Variants in ERI1 observed in about 807,000 individuals in gnomAD.
ERI1 encodes the protein 3'-5' exoribonuclease 1.
A neutral mutation model predicts 39.7 loss-of-function variants in ERI1; 39 were observed. The observed-to-expected ratio is 0.98, with a 90% CI of 0.76 to 1.28. The LOEUF is 1.28. Among genes scored for constraint, ERI1 ranks in the 50% most tolerant of loss-of-function variants. The pLI, the probability that ERI1 is intolerant of heterozygous loss-of-function variation, is 0.00. For synonymous variants in ERI1, 204 were observed against 149.6 expected (o/e 1.36, Z -2.65); for missense variants, 581 against 416.9 (o/e 1.39, Z -3.43).
At chr8:9,059,285 T>C (rs1798614328) in intron 3 of ERI1, among the ~76,000 whole-genome samples, 1 of 152,212 alleles carries the variant, frequency 6.6e-6, no homozygotes, top group African/African-American at 2.4e-5. Flanking sequence ...GGGGATATGA[T>C]GGCTTAGCTT....
intron 3 of ERI1, among the ~76,000 whole-genome samples, chr8:9,093,196 GAATT>G (rs1177585339): frequency 2.6e-5 from 4 of 152,288 alleles, no homozygotes; most frequent in Admixed American, 2.0e-4. Context: ...GGAAGAAGAA[GAATT>G]AATTGTCTTG....
intron 3 of ERI1, among the ~76,000 whole-genome samples, chr8:9,071,173 T>C (rs1261068971): frequency 6.6e-6 from 1 of 152,248 alleles, no homozygotes; most frequent in African/African-American, 2.4e-5. Context: ...GGGGCATTAT[T>C]CTAAGCAGAT....
At chr8:9,009,245 C>T (rs1403964349) in intron 2 of ERI1, 5 of 345,010 alleles carry the variant, frequency 1.4e-5, no homozygotes, top group Non-Finnish European at 2.9e-5. Flanking sequence ...TTGGCAATCT[C>T]AGTCTTTTGG....
chr8:9,042,695 A>G (rs1005071555), intron 3 of ERI1, among the ~76,000 whole-genome samples: 1 of 152,230 alleles, frequency 6.6e-6, no homozygotes, highest in Non-Finnish European at 1.5e-5. Flanking sequence ...GAGGTAACAC[A>G]GGTTGAGCAT....
chr8:9,093,520 A>G lies in ERI1; in HGVS notation n.300-22828A>G, dbSNP rs111774962. 4.4e-4 allele frequency among the ~76,000 whole-genome samples: 66 copies of G among 149,302 alleles called. 1 individual carries two copies. In the Middle Eastern group the frequency reaches 0.014, roughly 31 times the overall value. Reference sequence around the variant, plus strand: ...CCTTGTCTCTAAAAAAAAAAAAAAAAAAGAAGAAGAAGAAGAAGAAAGTAA... The same window carrying G: ...CCTTGTCTCTAAAAAAAAAAAAAAAGAAGAAGAAGAAGAAGAAGAAAGTAA... On this transcript the variant is annotated intron_variant and non_coding_transcript_variant, in intron 3 of 3. Coordinates refer to the ERI1 transcript ENST00000518663.
intron 3 of ERI1, among the ~76,000 whole-genome samples, chr8:9,038,572 C>T (rs1434868303): frequency 6.6e-6 from 1 of 151,960 alleles, no homozygotes. Flanking sequence ...GCTTGGGCAA[C>T]ATGGTGAAAC....
intron 6 of ERI1, among the ~76,000 whole-genome samples, chr8:9,024,727 T>G (rs1485675265): frequency 6.6e-6 from 1 of 152,174 alleles, no homozygotes; most frequent in East Asian, 1.9e-4. Context: ...GCCCAGCCTC[T>G]TTATGTTTTT....
chr8:9,019,763 G>C (rs368661200), intron 5 of ERI1, among the ~76,000 whole-genome samples: 2 of 152,160 alleles, frequency 1.3e-5, no homozygotes, highest in South Asian at 2.1e-4. Context: ...TATAGCAGCT[G>C]AGTTGAGGGC....
At chr8:9,028,042 C>G (rs1055414881) in intron 6 of ERI1, among the ~76,000 whole-genome samples, 2 of 152,184 alleles carry the variant, frequency 1.3e-5, no homozygotes, top group Non-Finnish European at 2.9e-5. Context: ...TTTCTTTCCT[C>G]ATGAGGTCTT....
chr8:9,095,307 T>C (rs1799842173), intron 3 of ERI1, among the ~76,000 whole-genome samples: 1 of 152,192 alleles, frequency 6.6e-6, no homozygotes, highest in Non-Finnish European at 1.5e-5. Context: ...ATCACCCAAA[T>C]AGTGAACATG....
chr8:9,070,295 TAAAAA>T (rs1314599724), intron 3 of ERI1, among the ~76,000 whole-genome samples: 1 of 148,248 alleles, frequency 6.7e-6, no homozygotes, highest in Non-Finnish European at 1.5e-5. Flanking sequence ...ATAACAAAAA[TAAAAA>T]AGAAATAACA....
intron 4 of ERI1, among the ~76,000 whole-genome samples, chr8:9,018,037 G>C (rs181300658): frequency 1.9e-4 from 29 of 152,286 alleles, no homozygotes; most frequent in Middle Eastern, 3.4e-3. Context: ...TATAAAAAGA[G>C]AACCACTGGG....
chr8:9,066,845 C>T (rs150287498), intron 3 of ERI1, among the ~76,000 whole-genome samples: 208 of 152,016 alleles, frequency 1.4e-3, no homozygotes, highest in African/African-American at 4.1e-3. Flanking sequence ...AGTTGGTGAT[C>T]GCCTTGCCTC....
chr8:9,055,397 G>GT (rs1798474851), intron 3 of ERI1, among the ~76,000 whole-genome samples: 1 of 152,200 alleles, frequency 6.6e-6, no homozygotes, highest in Admixed American at 6.5e-5. Flanking sequence ...AGAACTGATG[G>GT]TAATAAACGG....
At chr8:9,041,112 A>C (rs923009177) in intron 3 of ERI1, among the ~76,000 whole-genome samples, 2 of 152,216 alleles carry the variant, frequency 1.3e-5, no homozygotes, top group Admixed American at 1.3e-4. Context: ...ACGCATGAAG[A>C]GTACAGTGGG....
At chr8:9,015,568 A>C (rs1049363622) in intron 3 of ERI1, among the ~76,000 whole-genome samples, 3 of 151,896 alleles carry the variant, frequency 2.0e-5, no homozygotes, top group Non-Finnish European at 4.4e-5. Context: ...TAAAAATACA[A>C]AAGATCAGCC....
At chr8:9,029,542 G>C (rs1036879477) in intron 6 of ERI1, among the ~76,000 whole-genome samples, 31 of 152,228 alleles carry the variant, frequency 2.0e-4, no homozygotes, top group African/African-American at 7.2e-4. Context: ...TGTTCGCCAG[G>C]CTGGTCTCAT....
intron 6 of ERI1, among the ~76,000 whole-genome samples, chr8:9,022,763 G>A (rs1260078762): frequency 6.6e-6 from 1 of 152,052 alleles, no homozygotes; most frequent in Non-Finnish European, 1.5e-5. Flanking sequence ...ATTGTGTTAT[G>A]GAAAATTTCA....
chr8:9,008,070 C>T lies in ERI1; in HGVS notation c.209C>T (p.Ala70Val). The stretch of plus-strand genomic sequence containing the variant: ...AGTGACCCGGTTTACAAAGAGATTG[C>T]CATTACGAATGGCTGTATTAATAGA... ...DFSDPVYKEI[A>V]ITNGCINRMS... is the part of the protein sequence containing the mutation. The change falls in exon 2 of 7, where the codon GCC becomes GTC. Residue 70 changes from alanine to valine, a missense_variant. Ala to Val is a moderately conservative substitution (Grantham distance 64). Coordinates refer to ENST00000250263, the MANE Select transcript of ERI1 (RefSeq NM_153332.4). 2 of 1,609,866 alleles carry T rather than the reference C, an allele frequency of 1.2e-6. No homozygotes were observed. The highest frequency in any genetic ancestry group is 1.7e-6 in the Non-Finnish European group (2 of 1,179,164).
Sources: gnomAD v4.1 joint callset for allele counts (sites outside exome capture counted in the v4.1 genomes callset) on GRCh38, gnomAD v4.1.1 for gene constraint, MANE v1.5 for transcripts, NCBI Gene and HGNC (gene_info 2026-07-23, HGNC 2026-07-21) for gene names.